PIEZO2: variants seen among roughly 807,000 people sequenced by gnomAD.
PIEZO2 encodes the protein piezo-type mechanosensitive ion channel component 2.
PIEZO2 carries 172 observed loss-of-function variants against 337.3 expected under a neutral mutation model. The observed-to-expected ratio is 0.51, with a 90% CI of 0.45 to 0.58. PIEZO2 has a LOEUF of 0.58. PIEZO2 is among the 20% of genes least tolerant of loss of function. PIEZO2 has a pLI of 0.00. For synonymous variants in PIEZO2, 1,251 were observed against 1,228.5 expected (o/e 1.02, Z -0.38); for missense variants, 3,028 against 3,391.3 (o/e 0.89, Z 2.66).
At chr18:10,881,226 T>C (rs2042411620) in intron 4 of PIEZO2, among the ~76,000 whole-genome samples, 1 of 151,624 alleles carries the variant, frequency 6.6e-6, no homozygotes, top group Non-Finnish European at 1.5e-5. Flanking sequence ...GATATATAGA[T>C]ATGTATGTAT....
In PIEZO2 at chr18:11,096,666, G is replaced by T. The variant is rs117581960; in HGVS notation, c.65-30444C>A. Among the ~76,000 whole-genome samples, 2 of 152,006 alleles carry T rather than the reference G, an allele frequency of 1.3e-5. No homozygotes were observed. Among genetic ancestry groups the T allele is most frequent in the African/African-American group, 4.8e-5 (2 of 41,364 alleles). ...CATCTCCCCCACCCAACACACACACGTATCTACCTCTTGTCTTTCAAGGAG... is the reference window on the plus strand; with the variant it reads ...CATCTCCCCCACCCAACACACACACTTATCTACCTCTTGTCTTTCAAGGAG... On this transcript the variant is annotated intron_variant, in intron 1 of 55. Coordinates refer to ENST00000674853, the MANE Select transcript of PIEZO2 (RefSeq NM_001378183.1). The surrounding 1 kb of genome is among the most constrained non-coding windows in gnomAD (Gnocchi z 4.6).
chr18:10,692,688 C>G (rs935721520), intron 47 of PIEZO2, among the ~76,000 whole-genome samples: 2 of 152,208 alleles, frequency 1.3e-5, no homozygotes, highest in Admixed American at 6.5e-5. Context: ...TGTGGGTCTT[C>G]TATTTCTGGA....
chr18:10,722,599 G>GA (rs879300996), intron 36 of PIEZO2, among the ~76,000 whole-genome samples: 1 of 151,366 alleles, frequency 6.6e-6, no homozygotes, highest in African/African-American at 2.4e-5. Context: ...TTTGACACAA[G>GA]AAAAAAAATA....
At chr18:10,749,138 G>T (rs2037544178) in intron 29 of PIEZO2, among the ~76,000 whole-genome samples, 1 of 151,894 alleles carries the variant, frequency 6.6e-6, no homozygotes, top group African/African-American at 2.4e-5. Flanking sequence ...GCCTGAAATA[G>T]AAATCACATA....
At chr18:10,852,848 C>T (rs1410038538) in intron 7 of PIEZO2, among the ~76,000 whole-genome samples, 1 of 152,082 alleles carries the variant, frequency 6.6e-6, no homozygotes, top group Non-Finnish European at 1.5e-5. Flanking sequence ...GAGGGCACCC[C>T]CCACCCACCA....
At chr18:10,910,462 G>A (rs1246856556) in intron 4 of PIEZO2, among the ~76,000 whole-genome samples, 2 of 151,968 alleles carry the variant, frequency 1.3e-5, no homozygotes, top group African/African-American at 4.8e-5. Flanking sequence ...GGGCGCCTGA[G>A]ATCCCAGCTA....
At chr18:11,090,827 G>C (rs1054738240) in intron 1 of PIEZO2, among the ~76,000 whole-genome samples, 1 of 135,312 alleles carries the variant, frequency 7.4e-6, no homozygotes, top group African/African-American at 2.9e-5. Flanking sequence ...GCAGGAGAAT[G>C]GTGTGAACCC....
At chr18:10,744,993 C>T (rs1436089858) in intron 30 of PIEZO2, among the ~76,000 whole-genome samples, 1 of 152,056 alleles carries the variant, frequency 6.6e-6, no homozygotes, top group Non-Finnish European at 1.5e-5. Flanking sequence ...TTGTGCTTCT[C>T]TACAGTGGCT....
At chr18:10,694,695 A>C (rs2035005477) in intron 47 of PIEZO2, among the ~76,000 whole-genome samples, 2 of 152,074 alleles carry the variant, frequency 1.3e-5, no homozygotes, top group African/African-American at 4.8e-5. Flanking sequence ...AATAGTCAGG[A>C]GCGGTGATGT....
chr18:11,040,124 C>T (rs559462258), intron 2 of PIEZO2, among the ~76,000 whole-genome samples: 70 of 149,628 alleles, frequency 4.7e-4, no homozygotes, highest in Admixed American at 1.1e-3. Flanking sequence ...AAAAAAAAGG[C>T]TTCATATCAG....
At chr18:10,728,020 T>C (rs1412070170) in intron 36 of PIEZO2, 1 of 151,094 alleles carries the variant, frequency 6.6e-6, no homozygotes, top group Non-Finnish European at 1.5e-5. Flanking sequence ...CATGAATTGA[T>C]AAGAACAAAC....
chr18:10,858,194 G>C (rs948713318), intron 5 of PIEZO2, among the ~76,000 whole-genome samples: 1 of 151,080 alleles, frequency 6.6e-6, no homozygotes, highest in African/African-American at 2.4e-5. Context: ...GGTGGCACGT[G>C]CCTGTAGTCC....
chr18:10,822,511 C>T (rs1318946804), intron 7 of PIEZO2, among the ~76,000 whole-genome samples: 1 of 152,158 alleles, frequency 6.6e-6, no homozygotes, highest in Non-Finnish European at 1.5e-5. Flanking sequence ...GTTGGAGAAG[C>T]TCCCTGATTA....
In PIEZO2 at chr18:11,021,202, T is replaced by C. The variant is rs559396889; in HGVS notation, c.161-41542A>G. On this transcript the variant is annotated intron_variant, in intron 2 of 55. Transcript: ENST00000674853. This position sits in a 1 kb window ranked among gnomAD's most constrained non-coding sequence, Gnocchi z 4.7. ...TCCAAACCACACCATCTCAACCAGC[T>C]CAAAGTTACAACCTAACTCAACAGT... Among the ~76,000 whole-genome samples, 1 of 152,062 alleles carries C rather than the reference T, an allele frequency of 6.6e-6. No individual in the cohort carries two copies. Among genetic ancestry groups the C allele is most frequent in the African/African-American group, 2.4e-5 (1 of 41,400 alleles).
rs1428257779 is a variant in PIEZO2, at chr18:10,979,957, C to T, written c.161-297G>A. 6.6e-6 allele frequency among the ~76,000 whole-genome samples: 1 copy of T among 152,164 alleles called. No homozygotes were observed. The highest frequency in any genetic ancestry group is 1.5e-5 in the Non-Finnish European group (1 of 68,016). ...AAAGGTCCTGGACCAAAACATTTTA[C>T]AAGGAAGTGCTGCCAACTTTGAAGG... On this transcript the variant is annotated intron_variant, in intron 2 of 55. Coordinates refer to ENST00000674853, the MANE Select transcript of PIEZO2 (RefSeq NM_001378183.1). This position sits in a 1 kb window ranked among gnomAD's most constrained non-coding sequence, Gnocchi z 4.0.
At chr18:11,066,797 G>A (rs552338645) in intron 1 of PIEZO2, among the ~76,000 whole-genome samples, 8 of 152,208 alleles carry the variant, frequency 5.3e-5, no homozygotes, top group South Asian at 4.1e-4. Context: ...ACGGGGTTTC[G>A]CCATGTTGGC....
At chr18:11,051,370 G>GTGTGT (rs1568330522) in intron 2 of PIEZO2, among the ~76,000 whole-genome samples, 1,518 of 97,266 alleles carry the variant, frequency 0.016, 19 homozygotes, top group African/African-American at 0.038. Context: ...TGTGTGTGTG[G>GTGTGT]GTGTGGGTGT....
At position 10,682,598 on chromosome 18, in the gene PIEZO2, G is replaced by C. The variant is rs1428992568; in HGVS notation, c.7498-306C>G. On this transcript the variant is annotated intron_variant, in intron 49 of 55. Transcript: ENST00000674853. The surrounding 1 kb of genome is among the most constrained non-coding windows in gnomAD (Gnocchi z 5.6). ...TGGGTTTTCCTGGTGATGAACTCCT[G>C]GACCAAGGGATCAAGTATCCGGCCG... Among the ~76,000 whole-genome samples the C allele has an allele frequency of 6.6e-6, 1 of 151,704 alleles. No homozygotes were observed. The highest frequency in any genetic ancestry group is 1.9e-4 in the East Asian group (1 of 5,198).
intron 4 of PIEZO2, chr18:10,908,624 T>C (rs1003443088): frequency 1.3e-5 from 2 of 152,242 alleles, no homozygotes; most frequent in African/African-American, 4.8e-5. Flanking sequence ...CTTGTTGTGA[T>C]GTGCAGAATA....
Sources: allele counts gnomAD v4.1 joint callset (sites outside exome capture counted in the v4.1 genomes callset), GRCh38; gene constraint gnomAD v4.1.1; non-coding constraint Gnocchi (gnomAD v3.1); transcripts MANE v1.5; gene names NCBI Gene and HGNC (gene_info 2026-07-23, HGNC 2026-07-21).